KIF27: variants seen among roughly 807,000 people sequenced by gnomAD.
The protein encoded by KIF27 is kinesin family member 27.
In KIF27, 84 loss-of-function variants were observed where a neutral mutation model predicts 141.8. The ratio of observed to expected loss-of-function variants is 0.59; its 90% CI spans 0.50 to 0.71. The LOEUF (loss-of-function observed/expected upper bound fraction) is 0.71. Ranked by LOEUF, KIF27 falls within the 30% of genes least tolerant of loss-of-function variation. KIF27 has a pLI of 0.00. For synonymous variants in KIF27, 471 were observed against 569.5 expected, an observed-to-expected ratio of 0.83 and a Z score of 2.46; for missense variants, 1,306 against 1,628.4, an observed-to-expected ratio of 0.80 and a Z score of 3.41.
In KIF27 at chr9:83,853,620, A is replaced by G; in HGVS notation, c.3357+9T>C. ...TATAAGAAAAATATTCTGACCCTCA[A>G]AAACAAACCTTATTGAAATATCTGA... On this transcript the variant is annotated intron_variant, in intron 15 of 17. Transcript: ENST00000297814. The G allele has an allele frequency of 6.2e-7, 1 of 1,606,582 alleles. No individual in the cohort carries two copies. The highest frequency in any genetic ancestry group is 1.1e-5 in the South Asian group (1 of 90,866).
At position 83,908,651 on chromosome 9, in the gene KIF27, A is replaced by C. The variant is rs577626971; in HGVS notation, c.300T>G (p.Ala100=). Reference sequence around the variant, plus strand: ...TACCCTTTTGGCCCTCCACAACTGAAGCTGAAAATTTAGAAAAAGAAAGCA... The same window carrying C: ...TACCCTTTTGGCCCTCCACAACTGACGCTGAAAATTTAGAAAAAGAAAGCA... The part of the protein sequence containing the change: ...KTYTIGGGHI[A]SVVEGQKGII... The change falls in exon 3 of 18, where the codon GCT becomes GCG. Residue 100 remains alanine (A), a splice_region_variant and synonymous_variant. Coordinates refer to ENST00000297814, the MANE Select transcript of KIF27 (RefSeq NM_017576.4). The C allele has an allele frequency of 6.4e-7, 1 of 1,574,388 alleles. No individual in the cohort carries two copies. The highest frequency in any genetic ancestry group is 2.3e-5 in the East Asian group (1 of 44,244).
chr9:83,889,167 T>C lies in KIF27; in HGVS notation c.1896A>G (p.Glu632=). The C allele has an allele frequency of 6.2e-7, 1 of 1,614,058 alleles. No individual in the cohort carries two copies. Among genetic ancestry groups the C allele is most frequent in the Admixed American group, 1.7e-5 (1 of 60,012 alleles). The change falls in exon 7 of 18, where the codon GAA becomes GAG. Residue 632 remains glutamate, a synonymous_variant. Transcript: ENST00000297814. ...TRSQMLLGHI[E]EQDKVLHCQF... is the part of the protein sequence containing the mutation. ...GGCAGTGGAGGACCTTATCTTGTTC[T>C]TCTATGTGACCCAACAGCATCTGAC...
intron 10 of KIF27, among the ~76,000 whole-genome samples, chr9:83,881,501 T>G (rs1279875683): frequency 6.6e-6 from 1 of 152,236 alleles, no homozygotes; most frequent in African/African-American, 2.4e-5. Context: ...ATGTGATCTG[T>G]GGACCAGTGC....
intron 3 of KIF27, among the ~76,000 whole-genome samples, chr9:83,906,373 A>G (rs1954532107): frequency 6.6e-6 from 1 of 152,240 alleles, no homozygotes; most frequent in Non-Finnish European, 1.5e-5. Context: ...AACTTTCCTA[A>G]CTGCTAGGAA....
At chr9:83,850,393 T>C in intron 15 of KIF27, 96 bp from the exon 16 acceptor site, 3 of 738,590 alleles carry the variant, frequency 4.1e-6, no homozygotes, top group Non-Finnish European at 6.8e-6. Flanking sequence ...ACTTCCTTAA[T>C]CTCCATAGTG....
At chr9:83,878,145 CAGAG>C (rs1951357155) in intron 11 of KIF27, among the ~76,000 whole-genome samples, 2 of 103,994 alleles carry the variant, frequency 1.9e-5, no homozygotes, top group African/African-American at 7.4e-5. Context: ...GCCTGGGCAA[CAGAG>C]AGACTCTGTC....
intron 8 of KIF27, among the ~76,000 whole-genome samples, chr9:83,887,399 C>T (rs1442620786): frequency 6.6e-6 from 1 of 152,132 alleles, no homozygotes; most frequent in Non-Finnish European, 1.5e-5. Flanking sequence ...TATTTTCTTA[C>T]AAATTAATAC....
In KIF27 at chr9:83,870,521, G is replaced by C. The variant is rs1476815611; in HGVS notation, c.2755C>G (p.Gln919Glu). Residue 919 changes from glutamine to glutamate, a missense_variant and splice_region_variant, in exon 12 of 18, where the codon CAG becomes GAG. Transcript: ENST00000297814. Reference sequence around the variant, plus strand: ...AACACTAAATAGAATTGACAAACCTGGAGATGGTCTATACTTCCAAACGAA... The same window carrying C: ...AACACTAAATAGAATTGACAAACCTCGAGATGGTCTATACTTCCAAACGAA... Reference protein sequence around the residue: ...KGSFGSIDHLQKLDEQKKWLD... With the variant: ...KGSFGSIDHLEKLDEQKKWLD... 1 of 1,613,602 alleles carries C rather than the reference G, an allele frequency of 6.2e-7. No homozygotes were observed. The highest frequency in any genetic ancestry group is 2.2e-5 in the East Asian group (1 of 44,874).
chr9:83,909,200 G>A lies in KIF27; in HGVS notation c.299-548C>T, dbSNP rs142998985. 3.7e-4 allele frequency among the ~76,000 whole-genome samples: 56 copies of A among 152,178 alleles called. No homozygotes were observed. In the South Asian group the frequency reaches 6.2e-3, roughly 17 times the overall value. Reference sequence around the variant, plus strand: ...TTAAAAAGTGTTAATTGTACCTGGAGGAAAAAAAATACGGCAGGGTAGGGG... The same window carrying A: ...TTAAAAAGTGTTAATTGTACCTGGAAGAAAAAAAATACGGCAGGGTAGGGG... On this transcript the variant is annotated intron_variant, in intron 2 of 17. Coordinates refer to ENST00000297814, the MANE Select transcript of KIF27 (RefSeq NM_017576.4).
chr9:83,868,343 T>C (rs1950531270), intron 12 of KIF27: 1 of 152,386 alleles, frequency 6.6e-6, no homozygotes, highest in African/African-American at 2.4e-5. Flanking sequence ...AAATGTTAAA[T>C]GAATGAGTGA....
intron 11 of KIF27, 93 bp downstream of exon 11, chr9:83,880,204 T>A (rs1235653701): frequency 6.4e-7 from 1 of 1,574,588 alleles, no homozygotes; most frequent in South Asian, 1.1e-5. Flanking sequence ...GATAGATACT[T>A]CACAAGCCAA....
chr9:83,911,509 G>A (rs1466161322), intron 2 of KIF27, among the ~76,000 whole-genome samples: 1 of 151,974 alleles, frequency 6.6e-6, no homozygotes, highest in Non-Finnish European at 1.5e-5. Flanking sequence ...GCTTACAGGC[G>A]TGAGCCACCA....
At chr9:83,900,086 T>C (rs1301684305) in intron 4 of KIF27, among the ~76,000 whole-genome samples, 1 of 152,196 alleles carries the variant, frequency 6.6e-6, no homozygotes, top group Non-Finnish European at 1.5e-5. Context: ...GTACCTTCAC[T>C]AAGATTTTTA....
At chr9:83,920,672 G>T (rs1283423556) in intron 1 of KIF27, among the ~76,000 whole-genome samples, 1 of 152,202 alleles carries the variant, frequency 6.6e-6, no homozygotes, top group African/African-American at 2.4e-5. Flanking sequence ...AAAGAGTAAA[G>T]AAGGGCAAAC....
At chr9:83,891,635 C>G in intron 5 of KIF27, 134 bp from the exon 6 acceptor site, 1 of 860,516 alleles carries the variant, frequency 1.2e-6, no homozygotes, top group Non-Finnish European at 1.7e-6. Context: ...TATCCAGAGA[C>G]TAGCTCTCTG....
chr9:83,877,698 A>T (rs963838242), intron 11 of KIF27, among the ~76,000 whole-genome samples: 1 of 152,186 alleles, frequency 6.6e-6, no homozygotes, highest in Non-Finnish European at 1.5e-5. Context: ...ATATCAAAGG[A>T]TATTATCAAA....
At chr9:83,910,025 C>A in intron 2 of KIF27, among the ~76,000 whole-genome samples, 1 of 151,904 alleles carries the variant, frequency 6.6e-6, no homozygotes, top group East Asian at 1.9e-4. Flanking sequence ...GAGACAGAGC[C>A]TAGGTGACAG....
intron 13 of KIF27, among the ~76,000 whole-genome samples, chr9:83,867,396 A>C (rs1439286063): frequency 2.0e-5 from 3 of 151,678 alleles, no homozygotes; most frequent in East Asian, 1.9e-4. Flanking sequence ...CTATCTATCT[A>C]TCCATCCATC....
intron 14 of KIF27, 149 bp downstream of exon 14, chr9:83,859,007 A>G: frequency 1.5e-6 from 1 of 660,922 alleles, no homozygotes. Flanking sequence ...TATGGTGCCA[A>G]ATAAGTGCCA....
Sources: allele counts gnomAD v4.1 joint callset (sites outside exome capture counted in the v4.1 genomes callset), GRCh38; gene constraint gnomAD v4.1.1; transcripts MANE v1.5; gene names NCBI Gene and HGNC (gene_info 2026-07-23, HGNC 2026-07-21).